Variants in RNF111 observed in about 807,000 individuals in gnomAD.
RNF111 encodes ring finger protein 111.
A neutral mutation model predicts 95.1 loss-of-function variants in RNF111; 17 were observed. The observed-to-expected ratio is 0.18, with a 90% confidence interval of 0.12 to 0.27. The LOEUF is 0.27. RNF111 is among the 10% of genes least tolerant of loss of function. RNF111 has a pLI of 1.00. For missense variants in RNF111, 1,189 were observed against 1,210.4 expected (o/e 0.98, Z 0.26); for synonymous variants, 440 against 414.8 (o/e 1.06, Z -0.74).
intron 11 of RNF111, among the ~76,000 whole-genome samples, chr15:59,090,071 G>T (rs1340748016): frequency 2.0e-5 from 3 of 152,152 alleles, no homozygotes; most frequent in Non-Finnish European, 4.4e-5. Flanking sequence ...GAATGTTTTT[G>T]ACTCAGCTAA....
chr15:59,082,156 C>T (rs1328163476), intron 8 of RNF111, among the ~76,000 whole-genome samples: 5 of 152,160 alleles, frequency 3.3e-5, no homozygotes, highest in Admixed American at 3.3e-4. Context: ...GAGAACCTTC[C>T]CCTGCCTTTC....
chr15:59,014,237 T>A (rs566677646), intron 1 of RNF111, among the ~76,000 whole-genome samples: 2 of 152,228 alleles, frequency 1.3e-5, no homozygotes, highest in African/African-American at 2.4e-5. Flanking sequence ...TTCTTTACTT[T>A]CTGGCACTAC....
In RNF111 at chr15:59,097,242, A is replaced by G. The variant is rs561623124; in HGVS notation, c.*2342A>G. On this transcript the variant is annotated 3_prime_UTR_variant, in exon 14 of 14. Transcript: ENST00000348370. The stretch of plus-strand genomic sequence containing the variant: ...TGAACATTTCAGTGGTAGCTGTCCA[A>G]ATACATAAAAACTAAAATTCTTTTG... 3 of 152,268 alleles carry G rather than the reference A, an allele frequency of 2.0e-5. No homozygotes were observed. The highest frequency in any genetic ancestry group is 7.2e-5 in the African/African-American group (3 of 41,470). The allele number at this position is 152,268 out of a possible 1,614,324, so 9.4% of individuals were successfully genotyped here. A position where few individuals can be genotyped will look rare whatever the true frequency, so the allele number is the denominator to read the frequency against.
At chr15:59,040,015 C>T (rs185910482) in intron 2 of RNF111, among the ~76,000 whole-genome samples, 12 of 152,012 alleles carry the variant, frequency 7.9e-5, no homozygotes, top group African/African-American at 2.4e-4. Context: ...GCGCCCTGCC[C>T]GATTTTCTTT....
intron 1 of RNF111, among the ~76,000 whole-genome samples, chr15:58,988,868 G>A (rs747799136): frequency 3.3e-5 from 5 of 152,168 alleles, no homozygotes; most frequent in Admixed American, 6.5e-5. Flanking sequence ...TCTCTTGAAT[G>A]GTAAGATGCC....
Position 59,052,395 on chromosome 15 carries a change from G to A in RNF111, c.971G>A (p.Ser324Asn). Reference sequence around the variant, plus strand: ...GAAATTAATGTTACCTCAACTGACAGTGAAGTGGAGATTGTAACAGTTGGA... The same window carrying A: ...GAAATTAATGTTACCTCAACTGACAATGAAGTGGAGATTGTAACAGTTGGA... ...NEEINVTSTD[S>N]EVEIVTVGES... Residue 324 changes from serine (S) to asparagine (N), a missense_variant, in exon 3 of 14, where the codon AGT (serine) becomes AAT (asparagine). By Grantham distance (46) the Ser-to-Asn change is conservative (BLOSUM62 1). Around this residue, in one of 2 missense-constraint regions of RNF111, gnomAD observed 1,024 missense variants for 925.9 expected, o/e 1.11. Transcript: ENST00000348370. 1 of 1,597,244 alleles carries A rather than the reference G, an allele frequency of 6.3e-7. No homozygotes were observed. The highest frequency in any genetic ancestry group is 2.3e-5 in the East Asian group (1 of 44,254).
chr15:59,069,437 T>G (rs542738601), intron 6 of RNF111, among the ~76,000 whole-genome samples: 1 of 152,216 alleles, frequency 6.6e-6, no homozygotes, highest in Non-Finnish European at 1.5e-5. Flanking sequence ...TTACAGAATA[T>G]TTTGTTATTA....
rs766065838 is a variant in RNF111 at position 59,085,747 on chromosome 15, C to G, written c.2512C>G (p.Arg838Gly). 2 of 1,613,256 alleles carry G rather than the reference C, an allele frequency of 1.2e-6. No individual in the cohort carries two copies. The highest frequency in any genetic ancestry group is 1.7e-5 in the Admixed American group (1 of 59,954). ...PHLAHYHAPP[R>G]LHHLQLGALP... ...CTTGGCCCATTATCACGCACCTCCT[C>G]GACTTCATCACTTACAATTAGGAGC... Residue 838 changes from arginine to glycine, a missense_variant, in exon 10 of 14, where the codon CGA (arginine) becomes GGA (glycine). Arg to Gly is a moderately radical substitution (Grantham distance 125, BLOSUM62 -2). This residue lies in a region of RNF111 where 165 missense variants were observed against 284.6 expected (regional missense o/e 0.58). Transcript: ENST00000348370.
chr15:59,076,681 G>A (rs1400718637), intron 7 of RNF111, among the ~76,000 whole-genome samples: 1 of 152,162 alleles, frequency 6.6e-6, no homozygotes, highest in Non-Finnish European at 1.5e-5. Context: ...GCAACATAGT[G>A]AGACCCCGTT....
At chr15:58,998,527 T>G (rs1230035163) in intron 1 of RNF111, among the ~76,000 whole-genome samples, 1 of 152,234 alleles carries the variant, frequency 6.6e-6, no homozygotes, top group Non-Finnish European at 1.5e-5. Context: ...AGAAAAGAAC[T>G]TGTTTGATTT....
At chr15:59,039,779 C>T (rs1178133520) in intron 2 of RNF111, among the ~76,000 whole-genome samples, 2 of 151,134 alleles carry the variant, frequency 1.3e-5, no homozygotes, top group African/African-American at 4.9e-5. Context: ...TGCAGTGGTG[C>T]GATATTGGCT....
intron 3 of RNF111, among the ~76,000 whole-genome samples, chr15:59,053,398 T>G (rs934240470): frequency 1.3e-5 from 2 of 152,240 alleles, no homozygotes; most frequent in Admixed American, 6.5e-5. Context: ...CGGATGAATC[T>G]TAATTTTTGT....
intron 10 of RNF111, among the ~76,000 whole-genome samples, chr15:59,087,248 A>T (rs1342617928): frequency 6.6e-6 from 1 of 152,220 alleles, no homozygotes; most frequent in African/African-American, 2.4e-5. Flanking sequence ...GAGGGTGAAA[A>T]AACCTTAGAG....
In RNF111 at chr15:59,089,854, C is replaced by T. The variant is rs542344972; in HGVS notation, c.2643+95C>T. The T allele has an allele frequency of 1.5e-5, 11 of 757,550 alleles. No individual in the cohort carries two copies. In the South Asian group the frequency reaches 2.3e-4, roughly 16 times the overall value. The allele number at this position is 757,550 out of a possible 1,614,324, so 46.9% of individuals were successfully genotyped here. A position where few individuals can be genotyped will look rare whatever the true frequency, so the allele number is the denominator to read the frequency against. On this transcript the variant is annotated intron_variant, in intron 11 of 13. Coordinates refer to ENST00000348370, the MANE Select transcript of RNF111 (RefSeq NM_017610.8). The stretch of plus-strand genomic sequence containing the variant: ...TATACACAATTGTGTAGGACTGCTA[C>T]AGTGGCTGGGAATCACATGTGATTT...
In RNF111 at chr15:59,002,690, GA is replaced by G. The variant is rs535003442; in HGVS notation, c.-20+14625del. 2.9e-4 allele frequency among the ~76,000 whole-genome samples: 44 copies of G among 152,244 alleles called. 1 individual carries two copies. The highest frequency in any genetic ancestry group is 2.7e-3 in the South Asian group (13 of 4,824). ...CTATAGTTCTTAGTAAAGATAAAATGAAATAAAAATGTGGCACACAGTTCCC... is the reference window on the plus strand; with the variant it reads ...CTATAGTTCTTAGTAAAGATAAAATGAATAAAAATGTGGCACACAGTTCCC... On this transcript the variant is annotated intron_variant, in intron 1 of 13. Transcript: ENST00000348370.
chr15:59,070,234 C>T (rs2042858521), intron 6 of RNF111, among the ~76,000 whole-genome samples: 1 of 151,886 alleles, frequency 6.6e-6, no homozygotes, highest in Admixed American at 6.6e-5. Context: ...TGTCCCATCA[C>T]TATACTCATC....
chr15:59,061,812 AT>A (rs1566922457), intron 5 of RNF111, among the ~76,000 whole-genome samples: 1 of 152,094 alleles, frequency 6.6e-6, no homozygotes, highest in Non-Finnish European at 1.5e-5. Flanking sequence ...ATTTAAGTGT[AT>A]TTTTGTCACA....
At chr15:59,081,569 G>T (rs1367138886) in intron 8 of RNF111, among the ~76,000 whole-genome samples, 1 of 152,108 alleles carries the variant, frequency 6.6e-6, no homozygotes, top group Non-Finnish European at 1.5e-5. Flanking sequence ...AATGTAACTT[G>T]TAACTATAAG....
At chr15:58,990,130 T>C (rs1349485139) in intron 1 of RNF111, among the ~76,000 whole-genome samples, 1 of 152,242 alleles carries the variant, frequency 6.6e-6, no homozygotes, top group East Asian at 1.9e-4. Context: ...CTTTGCTTGC[T>C]ATACATTAGA....
Sources: allele counts gnomAD v4.1 joint callset (sites outside exome capture counted in the v4.1 genomes callset), GRCh38; gene constraint gnomAD v4.1.1; regional missense constraint gnomAD v4.1.1; transcripts MANE v1.5; gene names NCBI Gene and HGNC (gene_info 2026-07-23, HGNC 2026-07-21).